The following FAF1 variants were observed in gnomAD, a reference collection of about 807,000 sequenced individuals.
FAF1 encodes the protein FAS-associated factor 1.
In FAF1, 25 loss-of-function variants were observed where a neutral mutation model predicts 92.5. The ratio of observed to expected loss-of-function variants is 0.27; its 90% CI spans 0.20 to 0.38. The LOEUF is 0.38. Among genes scored for constraint, FAF1 ranks in the 10% least tolerant of loss-of-function variants. The probability of loss-of-function intolerance (pLI) is 1.00; values close to 1 mark genes in which losing one functional copy is unlikely to be tolerated. For missense variants in FAF1, 636 were observed against 793.3 expected (o/e 0.80, Z 2.38); for synonymous variants, 234 against 273.2 (o/e 0.86, Z 1.42).
At chr1:50,663,563 C>CGGCTAATTTT (rs1386316883) in intron 7 of FAF1, among the ~76,000 whole-genome samples, 1 of 151,284 alleles carries the variant, frequency 6.6e-6, no homozygotes, top group Non-Finnish European at 1.5e-5. Context: ...CCACCACACC[C>CGGCTAATTTT]GGCTAATTTT....
chr1:50,723,152 G>A (rs1658483524), intron 6 of FAF1, among the ~76,000 whole-genome samples: 1 of 152,162 alleles, frequency 6.6e-6, no homozygotes, highest in Non-Finnish European at 1.5e-5. Flanking sequence ...TGTAATCCTA[G>A]TACTTTGGGA....
chr1:50,648,905 A>G (rs1654720541), intron 8 of FAF1, among the ~76,000 whole-genome samples: 2 of 152,216 alleles, frequency 1.3e-5, no homozygotes, highest in South Asian at 2.1e-4. Context: ...CAGCCTGGGT[A>G]ACAAGAGCGA....
At chr1:50,614,322 ATTG>A (rs1208022592) in intron 8 of FAF1, among the ~76,000 whole-genome samples, 5 of 152,150 alleles carry the variant, frequency 3.3e-5, no homozygotes, top group Non-Finnish European at 5.9e-5. Flanking sequence ...GGCAGAAACT[ATTG>A]TTGTGTACTA....
chr1:50,457,284 T>C (rs765811941), intron 18 of FAF1, among the ~76,000 whole-genome samples: 13 of 152,084 alleles, frequency 8.5e-5, no homozygotes, highest in Non-Finnish European at 1.5e-4. Flanking sequence ...GGTGTGGTTT[T>C]GGTGAAGTAG....
chr1:50,858,874 G>T (rs72904719), intron 1 of FAF1, among the ~76,000 whole-genome samples: 9,986 of 151,746 alleles, frequency 0.066, 408 homozygotes, highest in East Asian at 0.094. Flanking sequence ...CCAGCTCATG[G>T]CAGTGTAGGC....
At chr1:50,944,006 G>A (rs1283847570) in intron 1 of FAF1, among the ~76,000 whole-genome samples, 1 of 152,234 alleles carries the variant, frequency 6.6e-6, no homozygotes, top group Non-Finnish European at 1.5e-5. Context: ...TCTAGTCCTT[G>A]TTTTTGAAAG....
chr1:50,791,936 T>C (rs7522611), intron 3 of FAF1, among the ~76,000 whole-genome samples: 74,056 of 152,028 alleles, frequency 0.49, 20,101 homozygotes, highest in African/African-American at 0.72. Context: ...TGATTATGTG[T>C]CCTTGACCTT....
At chr1:50,584,865 TAAG>T in intron 9 of FAF1, 54 bp from the exon 10 acceptor site, 1 of 1,512,766 alleles carries the variant, frequency 6.6e-7, no homozygotes, top group South Asian at 1.2e-5. Context: ...TATCAAATTC[TAAG>T]AATAAGTTAT....
intron 6 of FAF1, among the ~76,000 whole-genome samples, chr1:50,728,031 G>T (rs1658734668): frequency 6.6e-6 from 1 of 152,116 alleles, no homozygotes; most frequent in African/African-American, 2.4e-5. Flanking sequence ...GTGATTGTGT[G>T]AGTTAATTCT....
At chr1:50,935,190 TTAAGA>T (rs1362038595) in intron 1 of FAF1, among the ~76,000 whole-genome samples, 3 of 152,170 alleles carry the variant, frequency 2.0e-5, no homozygotes, top group Non-Finnish European at 4.4e-5. Flanking sequence ...AAAACAAAAA[TTAAGA>T]TAACTACAAA....
intron 5 of FAF1, among the ~76,000 whole-genome samples, chr1:50,741,867 C>T (rs1659400487): frequency 6.6e-6 from 1 of 152,094 alleles, no homozygotes; most frequent in African/African-American, 2.4e-5. Flanking sequence ...AAGTTTGAGA[C>T]ACCAATAAGA....
intron 4 of FAF1, among the ~76,000 whole-genome samples, chr1:50,759,765 C>T (rs1333400534): frequency 1.3e-5 from 2 of 152,172 alleles, no homozygotes; most frequent in Admixed American, 1.3e-4. Flanking sequence ...TACAGTCACA[C>T]CAACAGTGTA....
chr1:50,807,126 A>G (rs1477168667), intron 2 of FAF1, among the ~76,000 whole-genome samples: 1 of 152,254 alleles, frequency 6.6e-6, no homozygotes, highest in Non-Finnish European at 1.5e-5. Context: ...TTGAAACCCA[A>G]TAAAAGGATT....
intron 14 of FAF1, among the ~76,000 whole-genome samples, chr1:50,537,320 C>T (rs541456023): frequency 6.6e-6 from 1 of 152,134 alleles, no homozygotes. Flanking sequence ...GCTCCATTGC[C>T]AAACTGGACT....
At chr1:50,659,439 C>T (rs887131029) in intron 7 of FAF1, among the ~76,000 whole-genome samples, 3 of 152,298 alleles carry the variant, frequency 2.0e-5, no homozygotes, top group East Asian at 1.9e-4. Flanking sequence ...AAAGAACACA[C>T]GCACAGGCTG....
At chr1:50,958,687 A>G (rs1400463265) in intron 1 of FAF1, among the ~76,000 whole-genome samples, 2 of 151,870 alleles carry the variant, frequency 1.3e-5, no homozygotes, top group Non-Finnish European at 2.9e-5. Flanking sequence ...CAAAAAAAAA[A>G]AAAAATTAAT....
At chr1:50,458,011 C>T (rs1244883969) in intron 18 of FAF1, among the ~76,000 whole-genome samples, 2 of 151,670 alleles carry the variant, frequency 1.3e-5, no homozygotes, top group African/African-American at 4.8e-5. Flanking sequence ...GTCGGGAGTT[C>T]AAAACCAGCT....
At chr1:50,897,935 G>A (rs1644769290) in intron 1 of FAF1, among the ~76,000 whole-genome samples, 2 of 152,208 alleles carry the variant, frequency 1.3e-5, no homozygotes, top group African/African-American at 2.4e-5. Flanking sequence ...GAGGATATCA[G>A]GATAAATGCA....
In FAF1 at chr1:50,960,208, ACGC is replaced by A; in HGVS notation, c.-400_-398del. The A allele has an allele frequency of 3.1e-6, 1 of 325,004 alleles. No individual in the cohort carries two copies. Among genetic ancestry groups the A allele is most frequent in the Non-Finnish European group, 5.6e-6 (1 of 177,814 alleles). The allele number at this position is 325,004 out of a possible 1,614,324, so 20.1% of individuals were successfully genotyped here. A position where few individuals can be genotyped will look rare whatever the true frequency, so the allele number is the denominator to read the frequency against. On this transcript the variant is annotated 5_prime_UTR_variant, in exon 1 of 19. Transcript: ENST00000396153. ...ACCGAGCGAGCGAGCGGGCGGGCGA[ACGC>A]CGCGGCCGCCTCCGCCTCCTCCGCT...
Sources: allele counts gnomAD v4.1 joint callset (sites outside exome capture counted in the v4.1 genomes callset), GRCh38; gene constraint gnomAD v4.1.1; transcripts MANE v1.5; gene names NCBI Gene and HGNC (gene_info 2026-07-23, HGNC 2026-07-21).